TEX9: variants seen among roughly 807,000 people sequenced by gnomAD.
The protein encoded by TEX9 is testis expressed 9.
TEX9 carries 74 observed loss-of-function variants against 59.6 expected under a neutral mutation model. The ratio of observed to expected loss-of-function variants is 1.24; its 90% CI spans 1.03 to 1.51. TEX9 has a LOEUF of 1.51. TEX9 is among the 40% of genes most tolerant of loss of function. The probability of loss-of-function intolerance (pLI) is 0.00; values close to 1 mark genes in which losing one functional copy is unlikely to be tolerated. For synonymous variants in TEX9, 186 were observed against 152.2 expected, an observed-to-expected ratio of 1.22 and a Z score of -1.64; for missense variants, 522 against 447.8, an observed-to-expected ratio of 1.17 and a Z score of -1.49.
At position 56,305,291 on chromosome 15, in the gene TEX9, T is replaced by C. The variant is rs545386091; in HGVS notation, c.-107+61013T>C. Among the ~76,000 whole-genome samples, 394 of 152,224 alleles carry C rather than the reference T, an allele frequency of 2.6e-3. 3 individuals are homozygous for C. The highest frequency in any genetic ancestry group is 9.0e-3 in the African/African-American group (372 of 41,548). ...TAAAAAAAAAATCCTACAATTTATA[T>C]GGAACTACAAAAGACCCAGAATGGC... On this transcript the variant is annotated intron_variant, in intron 1 of 5. Coordinates refer to the TEX9 transcript ENST00000560827.
chr15:56,406,031 A>G (rs1206741963), intron 9 of TEX9, among the ~76,000 whole-genome samples: 1 of 152,152 alleles, frequency 6.6e-6, no homozygotes, highest in African/African-American at 2.4e-5. Context: ...ATATTCCCTC[A>G]TAACTACTAC....
intron 1 of TEX9, among the ~76,000 whole-genome samples, chr15:56,346,716 G>A (rs1245634210): frequency 1.3e-5 from 2 of 151,452 alleles, no homozygotes; most frequent in African/African-American, 4.8e-5. Context: ...TCAACATAAT[G>A]TGGAAAGTCT....
the TEX9 span, among the ~76,000 whole-genome samples, chr15:56,454,607 TA>T: frequency 1.3e-5 from 2 of 152,178 alleles, no homozygotes; most frequent in South Asian, 4.1e-4. Flanking sequence ...TGTTGGATTT[TA>T]AAAGTTTTAT....
chr15:56,332,373 A>G (rs1431508120), intron 1 of TEX9, among the ~76,000 whole-genome samples: 1 of 151,554 alleles, frequency 6.6e-6, no homozygotes, highest in African/African-American at 2.4e-5. Flanking sequence ...GCAAGAACAA[A>G]AAACCAAACA....
At chr15:56,328,362 G>A (rs2046069883) in intron 1 of TEX9, among the ~76,000 whole-genome samples, 1 of 152,128 alleles carries the variant, frequency 6.6e-6, no homozygotes, top group South Asian at 2.1e-4. Context: ...CGTGGGCCTT[G>A]GGTGAGACCC....
chr15:56,349,694 T>C (rs1242825774), intron 1 of TEX9, among the ~76,000 whole-genome samples: 1 of 152,090 alleles, frequency 6.6e-6, no homozygotes, highest in Non-Finnish European at 1.5e-5. Context: ...TATGTGTGTG[T>C]ATACACACAC....
intron 1 of TEX9, among the ~76,000 whole-genome samples, chr15:56,316,295 G>C (rs1218032302): frequency 6.6e-6 from 1 of 151,838 alleles, no homozygotes; most frequent in Non-Finnish European, 1.5e-5. Context: ...TCTACTTTTC[G>C]TCTTTGATGA....
At position 56,412,286 on chromosome 15, in the gene TEX9, C is replaced by G; in HGVS notation, c.829-16C>G. 1 of 1,582,848 alleles carries G rather than the reference C, an allele frequency of 6.3e-7. No homozygotes were observed. On this transcript the variant is annotated splice_polypyrimidine_tract_variant and intron_variant, in intron 9 of 12. Transcript: ENST00000352903. ...GATATATTTATAAATGTTCCATAAT[C>G]TTTTTTACTATACAGGAATTAGAAA... is the stretch of plus-strand genomic sequence containing the variant.
downstream of TEX9, chr15:56,446,845 T>A (rs200473366): frequency 3.3e-5 from 52 of 1,599,816 alleles, no homozygotes; most frequent in African/African-American, 6.6e-4. Flanking sequence ...GATTACCATT[T>A]GTTCATATTT....
At chr15:56,421,676 C>T (rs1183585754) in intron 10 of TEX9, 5 of 151,574 alleles carry the variant, frequency 3.3e-5, no homozygotes, top group African/African-American at 9.8e-5. Context: ...TCCATGTGTT[C>T]TCATTATTCA....
chr15:56,378,630 A>T, intron 3 of TEX9, among the ~76,000 whole-genome samples: 1 of 149,306 alleles, frequency 6.7e-6, no homozygotes, highest in South Asian at 2.2e-4. Context: ...TAGTCTGTTA[A>T]TTTTGCTCAT....
chr15:56,407,031 C>G (rs961704571), intron 9 of TEX9, among the ~76,000 whole-genome samples: 1 of 151,990 alleles, frequency 6.6e-6, no homozygotes, highest in African/African-American at 2.4e-5. Flanking sequence ...TCTTTATCCA[C>G]TCCAAAGTCA....
chr15:56,338,416 T>C (rs1487250256), intron 1 of TEX9, among the ~76,000 whole-genome samples: 1 of 152,142 alleles, frequency 6.6e-6, no homozygotes, highest in Non-Finnish European at 1.5e-5. Context: ...TTTTGGGTGG[T>C]GCAGTATATG....
At chr15:56,373,251 A>G (rs986498388) in intron 2 of TEX9, among the ~76,000 whole-genome samples, 190 bp from the exon 3 acceptor site, 11 of 152,228 alleles carry the variant, frequency 7.2e-5, no homozygotes, top group Admixed American at 1.3e-4. Flanking sequence ...TTGAGTTCCT[A>G]CTACAAGGAA....
chr15:56,448,509 A>T (rs1421035729), downstream of TEX9, among the ~76,000 whole-genome samples: 3 of 152,150 alleles, frequency 2.0e-5, no homozygotes, highest in East Asian at 5.8e-4. Context: ...TTACTGCGTT[A>T]ATTTGCTTAG....
At chr15:56,370,006 T>G (rs1231159069) in intron 2 of TEX9, among the ~76,000 whole-genome samples, 1 of 152,212 alleles carries the variant, frequency 6.6e-6, no homozygotes, top group African/African-American at 2.4e-5. Flanking sequence ...GTTCAAACTT[T>G]GTATGTCATT....
At chr15:56,244,308 C>T (rs1166400382) in intron 1 of TEX9, 1 of 152,220 alleles carries the variant, frequency 6.6e-6, no homozygotes, top group Admixed American at 6.5e-5. Flanking sequence ...TTTCAGAAGC[C>T]CCCAAAGAAG....
intron 9 of TEX9, among the ~76,000 whole-genome samples, chr15:56,411,719 C>G (rs1418267754): frequency 6.6e-6 from 1 of 152,092 alleles, no homozygotes; most frequent in African/African-American, 2.4e-5. Context: ...AGGTGTTGGC[C>G]TGTTGACTCT....
At chr15:56,431,641 A>G in intron 12 of TEX9, 3 of 572,502 alleles carry the variant, frequency 5.2e-6, no homozygotes, top group Non-Finnish European at 8.1e-6. Flanking sequence ...GATAATATAT[A>G]TTTTTAAAAT....
Sources: allele counts gnomAD v4.1 joint callset (sites outside exome capture counted in the v4.1 genomes callset), GRCh38; gene constraint gnomAD v4.1.1; transcripts MANE v1.5; gene names NCBI Gene and HGNC (gene_info 2026-07-23, HGNC 2026-07-21).